The following WWC1 variants were observed in gnomAD, a reference collection of about 807,000 sequenced individuals.
The protein encoded by WWC1 is WW and C2 domain containing 1, also known as protein KIBRA.
In WWC1, 55 loss-of-function variants were observed where a neutral mutation model predicts 138.4. The observed-to-expected ratio is 0.40, with a 90% CI of 0.32 to 0.50. The LOEUF is 0.50. Among genes scored for constraint, WWC1 ranks in the 20% least tolerant of loss-of-function variants. The pLI is 0.72. For synonymous variants in WWC1, 524 were observed against 564.9 expected (o/e 0.93, Z 1.03); for missense variants, 1,226 against 1,420.4 (o/e 0.86, Z 2.20).
intron 15 of WWC1, among the ~76,000 whole-genome samples, chr5:168,436,754 G>A (rs1011951278): frequency 6.6e-6 from 1 of 151,966 alleles, no homozygotes; most frequent in African/African-American, 2.4e-5. Context: ...AAGAACCCTA[G>A]ATTCCACTTC....
At chr5:168,389,597 G>GTTTTTTTTTTTTTT (rs55873477) in intron 3 of WWC1, among the ~76,000 whole-genome samples, 2 of 129,336 alleles carry the variant, frequency 1.5e-5, no homozygotes, top group Admixed American at 8.0e-5. Flanking sequence ...TTGAATTTTT[G>GTTTTTTTTTTTTTT]TTTTTTTTTT....
chr5:168,318,964 C>T (rs149408501), intron 1 of WWC1, among the ~76,000 whole-genome samples: 8 of 152,240 alleles, frequency 5.3e-5, no homozygotes, highest in African/African-American at 1.2e-4. Context: ...TTTCATTGTA[C>T]GTACATATGT....
chr5:168,345,045 A>G (rs1774356295), intron 1 of WWC1, among the ~76,000 whole-genome samples: 1 of 152,200 alleles, frequency 6.6e-6, no homozygotes, highest in African/African-American at 2.4e-5. Flanking sequence ...TTTACAAAAT[A>G]TTGAAGGTTT....
At chr5:168,446,557 G>A (rs1308834143) in intron 17 of WWC1, among the ~76,000 whole-genome samples, 1 of 152,166 alleles carries the variant, frequency 6.6e-6, no homozygotes, top group Non-Finnish European at 1.5e-5. Flanking sequence ...TAAGCATAGA[G>A]CTGAGTGAAT....
intron 3 of WWC1, among the ~76,000 whole-genome samples, chr5:168,385,765 T>C (rs1468085424): frequency 6.6e-6 from 1 of 152,254 alleles, no homozygotes; most frequent in Non-Finnish European, 1.5e-5. Context: ...TGGATGGTAG[T>C]ATGTTCACAA....
At chr5:168,386,153 C>T (rs762940855) in intron 3 of WWC1, among the ~76,000 whole-genome samples, 2 of 152,158 alleles carry the variant, frequency 1.3e-5, no homozygotes, top group Non-Finnish European at 1.5e-5. Flanking sequence ...CAGGTCATCA[C>T]CTCTGAGAGG....
intron 1 of WWC1, among the ~76,000 whole-genome samples, chr5:168,326,437 G>A (rs1364106987): frequency 2.6e-5 from 4 of 151,908 alleles, no homozygotes; most frequent in African/African-American, 4.8e-5. Flanking sequence ...GGCTGGTCTC[G>A]AACTCCCCAC....
At chr5:168,336,447 C>T (rs944837713) in intron 1 of WWC1, among the ~76,000 whole-genome samples, 1 of 151,844 alleles carries the variant, frequency 6.6e-6, no homozygotes, top group African/African-American at 2.4e-5. Flanking sequence ...TGGCAGGCAT[C>T]TGTAATCCCA....
intron 1 of WWC1, among the ~76,000 whole-genome samples, chr5:168,320,486 CA>C (rs768477919): frequency 2.0e-5 from 3 of 152,168 alleles, no homozygotes; most frequent in Non-Finnish European, 4.4e-5. Context: ...GAGTCAGTTA[CA>C]AGACCTCTCT....
At chr5:168,430,605 C>T (rs1209378806) in intron 14 of WWC1, among the ~76,000 whole-genome samples, 6 of 151,546 alleles carry the variant, frequency 4.0e-5, no homozygotes, top group African/African-American at 1.5e-4. Context: ...TCAAGTGTTT[C>T]TTGCAGAGAG....
chr5:168,438,565 G>T (rs1316910937), intron 15 of WWC1, among the ~76,000 whole-genome samples: 1 of 152,146 alleles, frequency 6.6e-6, no homozygotes, highest in Non-Finnish European at 1.5e-5. Flanking sequence ...AGCAGCATGA[G>T]AACGGATTAA....
chr5:168,453,406 G>T (rs1241462366), intron 17 of WWC1, among the ~76,000 whole-genome samples: 1 of 152,182 alleles, frequency 6.6e-6, no homozygotes, highest in Non-Finnish European at 1.5e-5. Flanking sequence ...GCTGCCTAGT[G>T]GGTGATTAAA....
At chr5:168,294,439 G>A (rs7737955) in intron 1 of WWC1, among the ~76,000 whole-genome samples, 1 of 152,070 alleles carries the variant, frequency 6.6e-6, no homozygotes, top group Non-Finnish European at 1.5e-5. Flanking sequence ...AAAAAACCAG[G>A]GTTAGTATAT....
At chr5:168,461,716 C>A (rs1756829096) in intron 20 of WWC1, among the ~76,000 whole-genome samples, 1 of 152,162 alleles carries the variant, frequency 6.6e-6, no homozygotes, top group Non-Finnish European at 1.5e-5. Flanking sequence ...TAAAGCAGTT[C>A]TGTCTAATGA....
intron 1 of WWC1, among the ~76,000 whole-genome samples, chr5:168,318,428 T>C (rs996619695): frequency 6.6e-6 from 1 of 152,176 alleles, no homozygotes; most frequent in Non-Finnish European, 1.5e-5. Flanking sequence ...CCACCATCCA[T>C]CTTTAGAACG....
At chr5:168,380,789 C>T (rs2152815268) in intron 2 of WWC1, among the ~76,000 whole-genome samples, 1 of 152,260 alleles carries the variant, frequency 6.6e-6, no homozygotes, top group Non-Finnish European at 1.5e-5. Context: ...GTGATGTATT[C>T]ATACAATAGA....
chr5:168,318,560 ATT>A (rs34149697), intron 1 of WWC1, among the ~76,000 whole-genome samples: 11 of 134,440 alleles, frequency 8.2e-5, no homozygotes, highest in Admixed American at 7.5e-5. Context: ...GTGACTGGCT[ATT>A]TTTTTTTTTT....
intron 11 of WWC1, among the ~76,000 whole-genome samples, chr5:168,424,396 G>A (rs1300681028): frequency 2.0e-5 from 3 of 152,174 alleles, no homozygotes; most frequent in Non-Finnish European, 1.5e-5. Flanking sequence ...CACTGGGTTG[G>A]TCACTAAGGA....
chr5:168,460,712 C>T lies in WWC1; in HGVS notation c.2886C>T (p.Ser962=), dbSNP rs1047671590. ...LSKKPPFVRN[S]LERRSVRMKR... ...AAAAGCCACCTTTTGTTCGAAACTC[C>T]CTGGAGCGACGCAGCGTCCGGATGA... The change falls in exon 20 of 23, where the codon TCC becomes TCT. Residue 962 remains serine, a synonymous_variant. Coordinates refer to ENST00000265293, the MANE Select transcript of WWC1 (RefSeq NM_015238.3). 1 of 1,614,042 alleles carries T rather than the reference C, an allele frequency of 6.2e-7. No homozygotes were observed. Among genetic ancestry groups the T allele is most frequent in the Admixed American group, 1.7e-5 (1 of 60,004 alleles).
Sources: gnomAD v4.1 joint callset for allele counts (sites outside exome capture counted in the v4.1 genomes callset) on GRCh38, gnomAD v4.1.1 for gene constraint, MANE v1.5 for transcripts, NCBI Gene and HGNC (gene_info 2026-07-23, HGNC 2026-07-21) for gene names.